Variants in BNC2 observed in about 807,000 individuals in gnomAD.
BNC2 encodes zinc finger protein basonuclin-2.
In BNC2, 20 loss-of-function variants were observed where a neutral mutation model predicts 76.3. That is an observed-to-expected ratio of 0.26 (90% confidence interval 0.18 to 0.38). The LOEUF is 0.38. BNC2 is among the 10% of genes least tolerant of loss of function. The probability of loss-of-function intolerance (pLI) is 1.00; values close to 1 mark genes in which losing one functional copy is unlikely to be tolerated. For missense variants in BNC2, 1,382 were observed against 1,399.8 expected, an observed-to-expected ratio of 0.99 and a Z score of 0.20; for synonymous variants, 582 against 514.8, an observed-to-expected ratio of 1.13 and a Z score of -1.77.
Position 16,598,613 on chromosome 9 carries a change from A to G in BNC2, c.331-15528T>C, listed in dbSNP as rs565161794. On this transcript the variant is annotated intron_variant, in intron 3 of 6. Transcript: ENST00000380672. Reference sequence around the variant, plus strand: ...AATAAGTACCTTCTTCTAAGTCCACATGCCTTACTATTCTTCCAGGCAACG... The same window carrying G: ...AATAAGTACCTTCTTCTAAGTCCACGTGCCTTACTATTCTTCCAGGCAACG... Among the ~76,000 whole-genome samples, 24 of 152,308 alleles carry G rather than the reference A, an allele frequency of 1.6e-4. No individual in the cohort carries two copies. In the South Asian group the frequency reaches 5.0e-3, roughly 32 times the overall value.
intron 3 of BNC2, among the ~76,000 whole-genome samples, chr9:16,592,144 T>G (rs1218379835): frequency 6.6e-6 from 1 of 150,828 alleles, no homozygotes; most frequent in Non-Finnish European, 1.5e-5. Flanking sequence ...TTGAGAAAAA[T>G]GTTATGAACC....
chr9:16,709,984 T>C (rs1288830892), intron 3 of BNC2, among the ~76,000 whole-genome samples: 2 of 152,202 alleles, frequency 1.3e-5, no homozygotes, highest in Non-Finnish European at 2.9e-5. Flanking sequence ...CACAGTATTC[T>C]AAACTGGAGG....
rs1820659496 is a variant in BNC2 at position 16,419,321 on chromosome 9, G to T, written c.2968C>A (p.Leu990Ile). 1 of 1,613,328 alleles carries T rather than the reference G, an allele frequency of 6.2e-7. No individual in the cohort carries two copies. The highest frequency in any genetic ancestry group is 8.5e-7 in the Non-Finnish European group (1 of 1,179,508). Residue 990 changes from leucine to isoleucine, a missense_variant, in exon 7 of 7, where the codon CTC (leucine) becomes ATC (isoleucine). This residue lies in a region of BNC2 where 798 missense variants were observed against 775.5 expected (regional missense o/e 1.03). Transcript: ENST00000380672. ...TCACTCGCCCCGTCAATGTCATCGA[G>T]AAGAATCCCCTCATCGCTGCCTGCG... ...SDAGSDEGIL[L>I]DDIDGASDSG...
At chr9:16,594,045 T>A (rs1414935709) in intron 3 of BNC2, among the ~76,000 whole-genome samples, 1 of 152,182 alleles carries the variant, frequency 6.6e-6, no homozygotes, top group Non-Finnish European at 1.5e-5. Flanking sequence ...GTGGCATTCA[T>A]GAAAACAATT....
At chr9:16,464,375 T>C (rs1049894889) in intron 5 of BNC2, among the ~76,000 whole-genome samples, 4 of 152,028 alleles carry the variant, frequency 2.6e-5, no homozygotes, top group Admixed American at 6.6e-5. Flanking sequence ...CATATTATTT[T>C]TTAATATTTA....
intron 3 of BNC2, among the ~76,000 whole-genome samples, chr9:16,584,210 G>A (rs1410319394): frequency 2.6e-5 from 4 of 152,118 alleles, no homozygotes; most frequent in Admixed American, 1.3e-4. Context: ...GGTGGGCATG[G>A]GGATACCTGA....
intron 3 of BNC2, among the ~76,000 whole-genome samples, chr9:16,688,040 A>G (rs1324983939): frequency 6.6e-6 from 1 of 152,168 alleles, no homozygotes; most frequent in Non-Finnish European, 1.5e-5. Flanking sequence ...AGAAAAATAT[A>G]TCCATAAGAA....
In BNC2 at chr9:16,436,914, T is replaced by A; in HGVS notation, c.1280A>T (p.His427Leu). The A allele has an allele frequency of 3.1e-6, 5 of 1,614,178 alleles. No homozygotes were observed. The highest frequency in any genetic ancestry group is 3.4e-6 in the Non-Finnish European group (4 of 1,180,036). The change falls in exon 6 of 7, where the codon CAT becomes CTT. Residue 427 changes from histidine to leucine, a missense_variant. Physicochemically the swap from His to Leu is moderately conservative, Grantham distance 99. Coordinates refer to ENST00000380672, the MANE Select transcript of BNC2 (RefSeq NM_017637.6). ...TEHPKSSFRI[H>L]RMRRMGSASR... is the part of the protein sequence containing the mutation. ...GGCTGACCCCATCCTTCTCATCCGA[T>A]GAATCCGGAATGAGCTTTTTGGGTG...
chr9:16,737,485 C>G (rs555221669), intron 2 of BNC2, among the ~76,000 whole-genome samples: 24 of 149,532 alleles, frequency 1.6e-4, no homozygotes, highest in Admixed American at 3.3e-4. Flanking sequence ...TTCCTGACCT[C>G]GTGATCCACC....
intron 3 of BNC2, among the ~76,000 whole-genome samples, chr9:16,669,240 G>C (rs988331851): frequency 6.6e-6 from 1 of 152,098 alleles, no homozygotes; most frequent in African/African-American, 2.4e-5. Flanking sequence ...CCAACCACAA[G>C]ATAAAAAATT....
chr9:16,673,494 A>T (rs977848105), intron 3 of BNC2, among the ~76,000 whole-genome samples: 1 of 151,902 alleles, frequency 6.6e-6, no homozygotes, highest in African/African-American at 2.4e-5. Context: ...CATTCTTGCT[A>T]ATTAAAATTT....
intron 5 of BNC2, among the ~76,000 whole-genome samples, chr9:16,501,939 C>T (rs1822527440): frequency 6.6e-6 from 1 of 152,204 alleles, no homozygotes; most frequent in African/African-American, 2.4e-5. Context: ...AATACCAAGA[C>T]ACTTTGCCAT....
intron 1 of BNC2, among the ~76,000 whole-genome samples, chr9:16,745,950 T>C (rs895004799): frequency 6.6e-6 from 1 of 152,178 alleles, no homozygotes; most frequent in Admixed American, 6.5e-5. Flanking sequence ...ATATTGTGAA[T>C]ATGAGACAAG....
At chr9:16,792,182 A>C (rs1395470834) in intron 1 of BNC2, among the ~76,000 whole-genome samples, 1 of 152,006 alleles carries the variant, frequency 6.6e-6, no homozygotes, top group Middle Eastern at 3.2e-3. Flanking sequence ...TTTTAAGAAC[A>C]TTTTACAAAT....
chr9:16,787,776 T>A (rs1826337803), intron 1 of BNC2, among the ~76,000 whole-genome samples: 2 of 152,158 alleles, frequency 1.3e-5, no homozygotes, highest in African/African-American at 2.4e-5. Context: ...GTCTTGAACT[T>A]CTTGCTTCAG....
chr9:16,623,799 T>C (rs553854119), intron 3 of BNC2, among the ~76,000 whole-genome samples: 2 of 152,310 alleles, frequency 1.3e-5, no homozygotes, highest in East Asian at 3.9e-4. Context: ...TTTTGAGATC[T>C]ATCAGTAGCA....
At chr9:16,516,658 T>C (rs546827309) in intron 5 of BNC2, among the ~76,000 whole-genome samples, 9 of 152,178 alleles carry the variant, frequency 5.9e-5, no homozygotes, top group African/African-American at 1.9e-4. Flanking sequence ...TGTGCTTCTT[T>C]TTTTTTCTTT....
chr9:16,716,903 A>G (rs560165357), intron 3 of BNC2, among the ~76,000 whole-genome samples: 13 of 152,282 alleles, frequency 8.5e-5, no homozygotes, highest in Admixed American at 3.3e-4. Flanking sequence ...TTAATCCCCA[A>G]ATTCTCTTGA....
At chr9:16,458,121 C>T (rs570983207) in intron 5 of BNC2, among the ~76,000 whole-genome samples, 12 of 152,102 alleles carry the variant, frequency 7.9e-5, no homozygotes, top group Non-Finnish European at 1.8e-4. Flanking sequence ...AATAACATTA[C>T]TGAAAACATA....
Sources: allele counts gnomAD v4.1 joint callset (sites outside exome capture counted in the v4.1 genomes callset), GRCh38; gene constraint gnomAD v4.1.1; regional missense constraint gnomAD v4.1.1; transcripts MANE v1.5; gene names NCBI Gene and HGNC (gene_info 2026-07-23, HGNC 2026-07-21).